The following DLGAP1 variants were observed in gnomAD, a reference collection of about 807,000 sequenced individuals.
DLGAP1 encodes the protein DLG associated protein 1.
Under a neutral mutation model 90.8 loss-of-function variants are expected in DLGAP1, and 11 were observed. The observed-to-expected ratio is 0.12, with a 90% confidence interval of 0.08 to 0.20. The LOEUF is 0.20. Among genes scored for constraint, DLGAP1 ranks in the 10% least tolerant of loss-of-function variants. The pLI, the probability that DLGAP1 is intolerant of heterozygous loss-of-function variation, is 1.00. For missense variants in DLGAP1, 1,050 were observed against 1,333.8 expected (o/e 0.79, Z 3.31); for synonymous variants, 558 against 540.7 (o/e 1.03, Z -0.44).
At chr18:3,793,181 T>A (rs2148246817) in intron 5 of DLGAP1, among the ~76,000 whole-genome samples, 1 of 152,290 alleles carries the variant, frequency 6.6e-6, no homozygotes, top group African/African-American at 2.4e-5. Context: ...CGGTTCCATA[T>A]GGCCTCTCCA....
intron 1 of DLGAP1, among the ~76,000 whole-genome samples, chr18:4,228,247 T>C (rs764913691): frequency 2.6e-5 from 4 of 152,026 alleles, no homozygotes; most frequent in Non-Finnish European, 5.9e-5. Context: ...TGGGACCTGA[T>C]GGCTTCACTG....
In DLGAP1 at chr18:3,742,346, T is replaced by C; in HGVS notation, c.1339A>G (p.Thr447Ala). Residue 447 changes from threonine to alanine, a missense_variant, in exon 6 of 13, where the codon ACC becomes GCC. By Grantham distance (58) the Thr-to-Ala change is moderately conservative. Transcript: ENST00000315677. ...CTGACGGCCCTCACCTGGCTGATGG[T>C]GCTCATGGCTCGCATGTAGCTCTCA... ...RNESYMRAMS[T>A]ISQVSEMEVN... 3 of 1,613,686 alleles carry C rather than the reference T, an allele frequency of 1.9e-6. No homozygotes were observed. The highest frequency in any genetic ancestry group is 2.5e-6 in the Non-Finnish European group (3 of 1,179,654).
chr18:3,625,595 A>G (rs998127958), intron 7 of DLGAP1, among the ~76,000 whole-genome samples: 1 of 152,164 alleles, frequency 6.6e-6, no homozygotes, highest in Admixed American at 6.5e-5. Flanking sequence ...TTGTTTATGA[A>G]TATGTTGTAA....
chr18:3,742,255 C>T, intron 6 of DLGAP1, 80 bp downstream of exon 6: 1 of 1,521,332 alleles, frequency 6.6e-7, no homozygotes, highest in Non-Finnish European at 8.9e-7. Flanking sequence ...TGACTGCCTC[C>T]CCACCTCATG....
chr18:3,626,871 C>T (rs2058316870), intron 7 of DLGAP1, among the ~76,000 whole-genome samples: 1 of 152,062 alleles, frequency 6.6e-6, no homozygotes, highest in African/African-American at 2.4e-5. Flanking sequence ...TGCACTCCAG[C>T]CTGGGCAACA....
chr18:4,387,188 G>T (rs2082246783), intron 1 of DLGAP1, among the ~76,000 whole-genome samples: 1 of 152,144 alleles, frequency 6.6e-6, no homozygotes, highest in African/African-American at 2.4e-5. Context: ...GAAAAGGTAG[G>T]CAATATCAAT....
At chr18:3,976,357 C>A (rs200033398) in intron 3 of DLGAP1, among the ~76,000 whole-genome samples, 1 of 151,030 alleles carries the variant, frequency 6.6e-6, no homozygotes. Context: ...AACTCTGTCT[C>A]AAAAAAAAGT....
chr18:3,684,161 G>T, intron 7 of DLGAP1, among the ~76,000 whole-genome samples: 1 of 32,978 alleles, frequency 3.0e-5, no homozygotes, highest in East Asian at 1.3e-3. Flanking sequence ...AATATGATTG[G>T]GTAAGGTTTT....
intron 2 of DLGAP1, among the ~76,000 whole-genome samples, chr18:4,103,521 T>C (rs1455651272): frequency 6.6e-6 from 1 of 152,168 alleles, no homozygotes; most frequent in East Asian, 1.9e-4. Flanking sequence ...CTTGATTAAA[T>C]CTTTTATTAG....
intron 1 of DLGAP1, among the ~76,000 whole-genome samples, chr18:4,178,367 AT>A (rs199595227): frequency 1.8e-4 from 27 of 151,262 alleles, no homozygotes; most frequent in South Asian, 6.3e-4. Context: ...ACCACTATAT[AT>A]TTTTTTTTAT....
intron 1 of DLGAP1, among the ~76,000 whole-genome samples, chr18:4,156,177 A>G (rs924620877): frequency 6.6e-6 from 1 of 152,228 alleles, no homozygotes; most frequent in Non-Finnish European, 1.5e-5. Context: ...TGATACGTTC[A>G]GTCTGGCCAT....
At chr18:4,143,407 C>T (rs1254890817) in intron 2 of DLGAP1, among the ~76,000 whole-genome samples, 3 of 151,752 alleles carry the variant, frequency 2.0e-5, no homozygotes, top group Non-Finnish European at 4.4e-5. Flanking sequence ...GCCCAAGGCC[C>T]GTGATGAGTA....
In DLGAP1 at chr18:3,879,839, G is replaced by A. The variant is rs149484544; in HGVS notation, c.230C>T (p.Ser77Leu). The A allele has an allele frequency of 1.4e-4, 227 of 1,609,462 alleles. No homozygotes were observed. Among genetic ancestry groups the A allele is most frequent in the Non-Finnish European group, 1.9e-4 (219 of 1,179,836 alleles). ...ACACTCGTCCTTCAGCTCTTGCTGCGAGGTGTAGTGCCTGCGGGGGAAGGT... is the reference window on the plus strand; with the variant it reads ...ACACTCGTCCTTCAGCTCTTGCTGCAAGGTGTAGTGCCTGCGGGGGAAGGT... ...SSTFPRRHYT[S>L]QQELKDECAL... The change falls in exon 4 of 13, where the codon TCG becomes TTG. Residue 77 changes from serine (S) to leucine (L), a missense_variant. Around this residue, in one of 2 missense-constraint regions of DLGAP1, gnomAD observed 485 missense variants for 454.1 expected, o/e 1.07. Coordinates refer to ENST00000315677, the MANE Select transcript of DLGAP1 (RefSeq NM_004746.4). This position sits in a 1 kb window ranked among gnomAD's most constrained non-coding sequence, Gnocchi z 6.6.
chr18:3,920,673 C>T (rs1028845399), intron 3 of DLGAP1, among the ~76,000 whole-genome samples: 4 of 152,118 alleles, frequency 2.6e-5, no homozygotes, highest in East Asian at 1.9e-4. Flanking sequence ...TCTCCCACTC[C>T]GCTCCACCCA....
chr18:3,871,761 T>C (rs1263215508), intron 4 of DLGAP1, among the ~76,000 whole-genome samples: 1 of 152,200 alleles, frequency 6.6e-6, no homozygotes, highest in Non-Finnish European at 1.5e-5. Flanking sequence ...AATGGCACTC[T>C]TAAAATGGAT....
In DLGAP1 at chr18:3,704,575, T is replaced by TA. The variant is rs967811224; in HGVS notation, c.1591+24559dup. 3.3e-3 allele frequency among the ~76,000 whole-genome samples: 479 copies of TA among 146,658 alleles called. 3 individuals carry two copies. Among genetic ancestry groups the TA allele is most frequent in the African/African-American group, 0.01 (418 of 40,068 alleles). On this transcript the variant is annotated intron_variant, in intron 7 of 12. Coordinates refer to ENST00000315677, the MANE Select transcript of DLGAP1 (RefSeq NM_004746.4). ...CTGGGTGACACAGCGAGACTCCATC[T>TA]AAAAAAAAAAGAAAAAGAAAAAATT...
intron 3 of DLGAP1, among the ~76,000 whole-genome samples, chr18:3,898,646 T>A (rs1484318258): frequency 6.6e-6 from 1 of 152,214 alleles, no homozygotes; most frequent in Non-Finnish European, 1.5e-5. Flanking sequence ...TGACCTTGTG[T>A]GGTGCAGCAA....
At chr18:3,506,978 G>A (rs147621515) in intron 11 of DLGAP1, among the ~76,000 whole-genome samples, 1 of 151,938 alleles carries the variant, frequency 6.6e-6, no homozygotes, top group East Asian at 1.9e-4. Flanking sequence ...AGAAGGGTGA[G>A]TTTATTTTTT....
chr18:3,602,607 A>AC (rs2057122830), intron 7 of DLGAP1, among the ~76,000 whole-genome samples: 1 of 151,308 alleles, frequency 6.6e-6, no homozygotes, highest in African/African-American at 2.4e-5. Context: ...AAAAAAAAAA[A>AC]AAAAAAAAAC....
Sources: allele counts gnomAD v4.1 joint callset (sites outside exome capture counted in the v4.1 genomes callset), GRCh38; gene constraint gnomAD v4.1.1; regional missense constraint gnomAD v4.1.1; non-coding constraint Gnocchi (gnomAD v3.1); transcripts MANE v1.5; gene names NCBI Gene and HGNC (gene_info 2026-07-23, HGNC 2026-07-21).